Variants in LPAR1 observed in about 807,000 individuals in gnomAD.
LPAR1 encodes the protein LPA receptor 1.
LPAR1 carries 5 observed loss-of-function variants against 23.8 expected under a neutral mutation model. The ratio of observed to expected loss-of-function variants is 0.21; its 90% CI spans 0.11 to 0.44. The LOEUF is 0.44. LPAR1 is among the 20% of genes least tolerant of loss of function. The pLI is 0.99. For synonymous variants in LPAR1, 160 were observed against 164.7 expected (o/e 0.97, Z 0.22); for missense variants, 311 against 482.8 (o/e 0.64, Z 3.33).
intron 5 of LPAR1, among the ~76,000 whole-genome samples, chr9:110,936,972 T>C (rs2094751691): frequency 6.6e-6 from 1 of 152,168 alleles, no homozygotes; most frequent in African/African-American, 2.4e-5. Context: ...AAGGAATTCT[T>C]GGTAAAATGT....
chr9:110,883,034 C>G (rs1313771394), intron 5 of LPAR1, among the ~76,000 whole-genome samples: 1 of 152,002 alleles, frequency 6.6e-6, no homozygotes, highest in Non-Finnish European at 1.5e-5. Flanking sequence ...CGAATTATAT[C>G]TTGAATTTTA....
At chr9:110,964,712 T>TA (rs374815643) in intron 4 of LPAR1, among the ~76,000 whole-genome samples, 383 of 148,860 alleles carry the variant, frequency 2.6e-3, no homozygotes, top group Middle Eastern at 0.017. Context: ...GTTGCTTTGA[T>TA]AAAAAAAAAA....
intron 2 of LPAR1, among the ~76,000 whole-genome samples, chr9:111,004,343 A>G (rs972316322): frequency 1.3e-5 from 2 of 152,166 alleles, no homozygotes; most frequent in African/African-American, 4.8e-5. Flanking sequence ...CTATTCAAGA[A>G]AGAAAAAGTA....
chr9:110,892,130 A>G (rs2084389038), intron 5 of LPAR1, among the ~76,000 whole-genome samples: 1 of 152,190 alleles, frequency 6.6e-6, no homozygotes, highest in Non-Finnish European at 1.5e-5. Flanking sequence ...ACTAGAAACA[A>G]CCCAAAAGTC....
At position 110,900,825 on chromosome 9, in the gene LPAR1, AG is replaced by A. The variant is rs1248495432; in HGVS notation, c.794-25104del. 3.3e-5 allele frequency among the ~76,000 whole-genome samples: 5 copies of A among 152,352 alleles called. No homozygotes were observed. In the South Asian group the frequency reaches 1.0e-3, roughly 32 times the overall value. ...TTAGATTTATCTCAAAAGTGAAGGT[AG>A]TATTTGGCTACTTGAACCCTCATCC... On this transcript the variant is annotated intron_variant, in intron 5 of 5. Transcript: ENST00000683809.
chr9:110,978,440 C>G (rs1829844545), intron 2 of LPAR1, among the ~76,000 whole-genome samples: 2 of 152,126 alleles, frequency 1.3e-5, no homozygotes, highest in Non-Finnish European at 2.9e-5. Context: ...AAAGAAGAAA[C>G]CATCAATGCT....
intron 2 of LPAR1, among the ~76,000 whole-genome samples, chr9:111,000,620 C>G (rs2097109381): frequency 6.6e-6 from 1 of 152,190 alleles, no homozygotes; most frequent in African/African-American, 2.4e-5. Context: ...AAAGAATAAG[C>G]CTTCTGAAAC....
intron 5 of LPAR1, among the ~76,000 whole-genome samples, chr9:110,939,806 T>C (rs1323810516): frequency 6.6e-6 from 1 of 152,184 alleles, no homozygotes; most frequent in African/African-American, 2.4e-5. Flanking sequence ...AAACTATGAG[T>C]AGCACTTGTC....
chr9:111,012,449 ACATG>A (rs938953173), intron 2 of LPAR1, among the ~76,000 whole-genome samples: 2 of 144,396 alleles, frequency 1.4e-5, no homozygotes, highest in African/African-American at 5.2e-5. Context: ...ACAAACACAC[ACATG>A]CATGTACGCA....
At chr9:111,028,596 T>A (rs1057315205) in intron 2 of LPAR1, among the ~76,000 whole-genome samples, 2 of 148,386 alleles carry the variant, frequency 1.3e-5, no homozygotes, top group African/African-American at 5.0e-5. Flanking sequence ...AAGGTGAAAA[T>A]AAATTCTTAA....
intron 2 of LPAR1, among the ~76,000 whole-genome samples, chr9:111,003,806 C>A (rs2097170036): frequency 1.3e-5 from 2 of 152,092 alleles, no homozygotes; most frequent in Admixed American, 6.6e-5. Context: ...AGGAATTATT[C>A]CCCCAAACCT....
At chr9:110,950,530 C>A (rs571550722) in intron 4 of LPAR1, among the ~76,000 whole-genome samples, 166 of 149,468 alleles carry the variant, frequency 1.1e-3, no homozygotes, top group Non-Finnish European at 2.1e-3. Context: ...ATAATATAAT[C>A]AGTTACACAG....
chr9:110,898,487 G>C (rs935554249), intron 5 of LPAR1, among the ~76,000 whole-genome samples: 2 of 152,148 alleles, frequency 1.3e-5, no homozygotes, highest in Admixed American at 6.5e-5. Flanking sequence ...AGTCTACAGA[G>C]AGTCAGTATG....
intron 5 of LPAR1, among the ~76,000 whole-genome samples, chr9:110,914,024 T>C (rs999368139): frequency 1.3e-5 from 2 of 152,204 alleles, no homozygotes; most frequent in African/African-American, 4.8e-5. Flanking sequence ...AGTTCCCTCA[T>C]TGCTTTTTTC....
chr9:110,935,007 G>C (rs574930870), intron 5 of LPAR1, among the ~76,000 whole-genome samples: 1 of 152,264 alleles, frequency 6.6e-6, no homozygotes, highest in Non-Finnish European at 1.5e-5. Context: ...AAGCGATTCA[G>C]TTTCAGATAA....
At chr9:111,021,080 A>C (rs1213062630) in intron 2 of LPAR1, among the ~76,000 whole-genome samples, 1 of 152,212 alleles carries the variant, frequency 6.6e-6, no homozygotes, top group Non-Finnish European at 1.5e-5. Flanking sequence ...ACAAAAAAAT[A>C]ATGTTGAAAT....
At chr9:110,983,721 C>T (rs149107510) in intron 2 of LPAR1, among the ~76,000 whole-genome samples, 2 of 151,764 alleles carry the variant, frequency 1.3e-5, no homozygotes, top group Admixed American at 6.6e-5. Flanking sequence ...AAGTGCAAAA[C>T]AGGTTTAAGT....
At chr9:110,991,306 A>T (rs921228436) in intron 2 of LPAR1, among the ~76,000 whole-genome samples, 4 of 152,116 alleles carry the variant, frequency 2.6e-5, no homozygotes, top group African/African-American at 9.7e-5. Flanking sequence ...AGAAACGTGC[A>T]TTGAAGACAA....
At chr9:110,976,814 G>A (rs1588645263) in intron 2 of LPAR1, among the ~76,000 whole-genome samples, 1 of 152,050 alleles carries the variant, frequency 6.6e-6, no homozygotes, top group East Asian at 1.9e-4. Context: ...CAAAAGATGA[G>A]CTTTGTCATC....
Sources: gnomAD v4.1 joint callset for allele counts (sites outside exome capture counted in the v4.1 genomes callset) on GRCh38, gnomAD v4.1.1 for gene constraint, MANE v1.5 for transcripts, NCBI Gene and HGNC (gene_info 2026-07-23, HGNC 2026-07-21) for gene names.